SGIP1: variants seen among roughly 807,000 people sequenced by gnomAD.
SGIP1 encodes SH3GL interacting endocytic adaptor 1.
In SGIP1, 38 loss-of-function variants were observed where a neutral mutation model predicts 107.5. The ratio of observed to expected loss-of-function variants is 0.35; its 90% CI spans 0.27 to 0.46. The LOEUF (loss-of-function observed/expected upper bound fraction) is 0.46, where lower values mean the gene tolerates loss of function less well. Ranked by LOEUF, SGIP1 falls within the 20% of genes least tolerant of loss-of-function variation. The pLI, the probability that SGIP1 is intolerant of heterozygous loss-of-function variation, is 1.00. For synonymous variants in SGIP1, 365 were observed against 366.1 expected (o/e 1.00, Z 0.03); for missense variants, 929 against 1,019.5 (o/e 0.91, Z 1.21).
intron 7 of SGIP1, among the ~76,000 whole-genome samples, chr1:66,654,503 C>T (rs1324337578): frequency 2.7e-5 from 4 of 150,862 alleles, no homozygotes; most frequent in Non-Finnish European, 4.4e-5. Context: ...GGAGTTTCTA[C>T]AAATATGTGA....
chr1:66,652,178 A>AG (rs11457983), intron 7 of SGIP1, among the ~76,000 whole-genome samples: 1 of 110,248 alleles, frequency 9.1e-6, no homozygotes, highest in Non-Finnish European at 2.0e-5. Flanking sequence ...GTAAAATGGG[A>AG]AAAAAATTGT....
chr1:66,654,901 G>T (rs967008988), intron 7 of SGIP1, among the ~76,000 whole-genome samples: 1 of 152,214 alleles, frequency 6.6e-6, no homozygotes, highest in African/African-American at 2.4e-5. Flanking sequence ...AGATGGACTG[G>T]CCTCAGTGTG....
chr1:66,572,950 C>T (rs2060578582), intron 1 of SGIP1, among the ~76,000 whole-genome samples: 1 of 151,798 alleles, frequency 6.6e-6, no homozygotes, highest in Non-Finnish European at 1.5e-5. Flanking sequence ...GTGAAAGGAC[C>T]GAGTCAGAAA....
intron 1 of SGIP1, among the ~76,000 whole-genome samples, chr1:66,593,026 G>A (rs1231666585): frequency 6.7e-6 from 1 of 148,914 alleles, no homozygotes; most frequent in Non-Finnish European, 1.5e-5. Flanking sequence ...TTGCAGGCAT[G>A]AGCCACTGTG....
At chr1:66,681,817 C>A in intron 14 of SGIP1, 52 bp from the exon 15 acceptor site, 1 of 1,550,826 alleles carries the variant, frequency 6.4e-7, no homozygotes, top group South Asian at 1.3e-5. Flanking sequence ...CCCTCACTCC[C>A]CACACAAATA....
At chr1:66,649,041 C>G (rs1028440452) in intron 7 of SGIP1, among the ~76,000 whole-genome samples, 1 of 152,098 alleles carries the variant, frequency 6.6e-6, no homozygotes, top group Non-Finnish European at 1.5e-5. Context: ...TTAAAAAAAC[C>G]ACTTCTCCTT....
At position 66,633,113 on chromosome 1, in the gene SGIP1, A is replaced by G; in HGVS notation, c.99+19A>G. Reference sequence around the variant, plus strand: ...TGGAATTGTAAGTATTTAAATAACCATTTTTACTGAGTTTGTGCTTCAATA... The same window carrying G: ...TGGAATTGTAAGTATTTAAATAACCGTTTTTACTGAGTTTGTGCTTCAATA... On this transcript the variant is annotated intron_variant, in intron 3 of 24. Transcript: ENST00000371037. The G allele has an allele frequency of 6.6e-7, 1 of 1,507,518 alleles. No homozygotes were observed. The highest frequency in any genetic ancestry group is 9.2e-7 in the Non-Finnish European group (1 of 1,085,312). The allele number at this position is 1,507,518 out of a possible 1,614,324, so 93.4% of individuals were successfully genotyped here. A position where few individuals can be genotyped will look rare whatever the true frequency, so the allele number is the denominator to read the frequency against.
At chr1:66,604,644 G>A (rs950126352) in intron 1 of SGIP1, among the ~76,000 whole-genome samples, 3 of 152,112 alleles carry the variant, frequency 2.0e-5, no homozygotes, top group African/African-American at 4.8e-5. Flanking sequence ...AGGATGGTTG[G>A]GATGATGAAG....
chr1:66,682,746 A>C (rs1451988378), intron 15 of SGIP1, among the ~76,000 whole-genome samples: 1 of 151,560 alleles, frequency 6.6e-6, no homozygotes, highest in Non-Finnish European at 1.5e-5. Context: ...GGATGCCCCC[A>C]CAAGGACACT....
chr1:66,709,968 C>G (rs1387654803), intron 18 of SGIP1, among the ~76,000 whole-genome samples: 1 of 151,776 alleles, frequency 6.6e-6, no homozygotes, highest in Non-Finnish European at 1.5e-5. Context: ...TGCACACACA[C>G]AATTTACACA....
At chr1:66,722,118 C>G (rs2093567726) in intron 19 of SGIP1, among the ~76,000 whole-genome samples, 1 of 152,112 alleles carries the variant, frequency 6.6e-6, no homozygotes, top group Non-Finnish European at 1.5e-5. Context: ...CCACTCTAGC[C>G]ACATGGCCTC....
chr1:66,741,031 T>C (rs1369264776), intron 23 of SGIP1, among the ~76,000 whole-genome samples: 1 of 152,182 alleles, frequency 6.6e-6, no homozygotes, highest in Non-Finnish European at 1.5e-5. Context: ...AATCATAGGT[T>C]GGAAAATACA....
intron 9 of SGIP1, 95 bp downstream of exon 9, chr1:66,667,636 A>C: frequency 9.1e-7 from 1 of 1,103,256 alleles, no homozygotes; most frequent in Non-Finnish European, 1.4e-6. Context: ...ATTTATGATA[A>C]CCCAGTGTGA....
intron 8 of SGIP1, among the ~76,000 whole-genome samples, chr1:66,662,855 A>G (rs998072435): frequency 6.6e-6 from 1 of 152,214 alleles, no homozygotes; most frequent in Admixed American, 6.5e-5. Flanking sequence ...AAACAAGTAG[A>G]CCACTTGCAA....
chr1:66,706,375 T>G (rs1046225587), intron 18 of SGIP1, among the ~76,000 whole-genome samples: 1 of 146,410 alleles, frequency 6.8e-6, no homozygotes, highest in Non-Finnish European at 1.5e-5. Context: ...TAAAATATAT[T>G]TATATATTTA....
In SGIP1 at chr1:66,743,414, ACTGTGG is replaced by A. The variant is rs1267769824; in HGVS notation, c.*320_*325del. The A allele has an allele frequency of 4.5e-6, 1 of 220,306 alleles. No homozygotes were observed. The highest frequency in any genetic ancestry group is 9.1e-6 in the Non-Finnish European group (1 of 109,328). The allele number at this position is 220,306 out of a possible 1,614,324, so 13.6% of individuals were successfully genotyped here. ...CATTCCTGAAATGGATGTAATTTAA[ACTGTGG>A]TATGTAAATTTAATAGTAGTATTGT... On this transcript the variant is annotated 3_prime_UTR_variant, in exon 25 of 25. Coordinates refer to ENST00000371037, the MANE Select transcript of SGIP1 (RefSeq NM_032291.4).
chr1:66,733,874 A>T lies in SGIP1; in HGVS notation c.2025A>T (p.Lys675Asn), dbSNP rs2094121798. 1 of 1,612,766 alleles carries T rather than the reference A, an allele frequency of 6.2e-7. No homozygotes were observed. Among genetic ancestry groups the T allele is most frequent in the African/African-American group, 1.3e-5 (1 of 74,870 alleles). The stretch of plus-strand genomic sequence containing the variant: ...CATATTATAACGTTGACATGCTCAA[A>T]TATCAGGTAAGCCTATTTACATGAT... The part of the protein sequence containing the change: ...QATYYNVDML[K>N]YQVSAQGIQS... The change falls in exon 21 of 25, where the codon AAA becomes AAT. Residue 675 changes from lysine (K) to asparagine (N), a missense_variant. Lys to Asn is a moderately conservative substitution (Grantham distance 94, BLOSUM62 0). Transcript: ENST00000371037.
intron 1 of SGIP1, among the ~76,000 whole-genome samples, chr1:66,609,870 G>A (rs1291474226): frequency 1.3e-5 from 2 of 152,102 alleles, no homozygotes; most frequent in African/African-American, 2.4e-5. Flanking sequence ...TTCAGATTTG[G>A]CATTTGGATC....
chr1:66,671,461 A>G (rs1419644575), intron 10 of SGIP1, among the ~76,000 whole-genome samples: 1 of 152,126 alleles, frequency 6.6e-6, no homozygotes, highest in African/African-American at 2.4e-5. Context: ...ATAGGGCACA[A>G]TTTTCCTCTG....
Sources: gnomAD v4.1 joint callset for allele counts (sites outside exome capture counted in the v4.1 genomes callset) on GRCh38, gnomAD v4.1.1 for gene constraint, MANE v1.5 for transcripts, NCBI Gene and HGNC (gene_info 2026-07-23, HGNC 2026-07-21) for gene names.